The following HTR7 variants were observed in gnomAD, a reference collection of about 807,000 sequenced individuals.
HTR7 encodes the protein 5-HT-7.
HTR7 carries 16 observed loss-of-function variants against 34.0 expected under a neutral mutation model. The observed-to-expected ratio is 0.47, with a 90% CI of 0.32 to 0.71. The LOEUF is 0.71. HTR7 is among the 30% of genes least tolerant of loss of function. The pLI is 0.04. For synonymous variants in HTR7, 265 were observed against 260.2 expected (o/e 1.02, Z -0.18); for missense variants, 504 against 625.5 (o/e 0.81, Z 2.07).
At chr10:90,770,625 C>A (rs774677978) in intron 1 of HTR7, among the ~76,000 whole-genome samples, 15 of 152,184 alleles carry the variant, frequency 9.9e-5, no homozygotes, top group Non-Finnish European at 2.2e-4. Context: ...CAGGTGTGCT[C>A]ACACTCAGGA....
At chr10:90,776,423 A>G (rs1353127275) in intron 1 of HTR7, among the ~76,000 whole-genome samples, 1 of 152,230 alleles carries the variant, frequency 6.6e-6, no homozygotes, top group African/African-American at 2.4e-5. Context: ...ATTCACAGAT[A>G]TTTATTTGAG....
intron 1 of HTR7, among the ~76,000 whole-genome samples, chr10:90,751,080 C>G (rs1464716717): frequency 2.0e-5 from 3 of 152,170 alleles, no homozygotes; most frequent in Non-Finnish European, 4.4e-5. Context: ...GTTCATGACG[C>G]TGGTTCTTCA....
intron 1 of HTR7, among the ~76,000 whole-genome samples, chr10:90,757,108 A>G (rs1438426559): frequency 6.6e-6 from 1 of 152,228 alleles, no homozygotes; most frequent in African/African-American, 2.4e-5. Context: ...AATGGCATAA[A>G]ACCTTAGCTA....
intron 1 of HTR7, among the ~76,000 whole-genome samples, chr10:90,806,886 C>T (rs1012294751): frequency 1.3e-5 from 2 of 152,146 alleles, no homozygotes; most frequent in Non-Finnish European, 2.9e-5. Context: ...TCAAAGCCAC[C>T]TGCAAAGGGG....
chr10:90,776,772 A>G (rs1369362360), intron 1 of HTR7, among the ~76,000 whole-genome samples: 1 of 152,200 alleles, frequency 6.6e-6, no homozygotes, highest in Non-Finnish European at 1.5e-5. Context: ...TATATTAGGT[A>G]GATATCCACT....
At chr10:90,788,090 C>T (rs1486157315) in intron 1 of HTR7, among the ~76,000 whole-genome samples, 2 of 152,006 alleles carry the variant, frequency 1.3e-5, no homozygotes, top group Non-Finnish European at 2.9e-5. Flanking sequence ...GGTGTTAGCA[C>T]CATCTAGTGG....
intron 1 of HTR7, among the ~76,000 whole-genome samples, chr10:90,803,663 G>T (rs1264469774): frequency 6.6e-6 from 1 of 152,162 alleles, no homozygotes; most frequent in Non-Finnish European, 1.5e-5. Context: ...TCATCTGATG[G>T]TTGCCTGACA....
intron 1 of HTR7, among the ~76,000 whole-genome samples, chr10:90,854,209 C>A (rs977187857): frequency 1.3e-5 from 2 of 152,062 alleles, no homozygotes; most frequent in Non-Finnish European, 1.5e-5. Context: ...AAAAATTAGC[C>A]GGGTGTGGTG....
At chr10:90,764,130 G>T (rs959275303) in intron 1 of HTR7, among the ~76,000 whole-genome samples, 1 of 152,090 alleles carries the variant, frequency 6.6e-6, no homozygotes, top group Non-Finnish European at 1.5e-5. Flanking sequence ...ATTGTTTTTG[G>T]ACTTTTTAAT....
Position 90,815,279 on chromosome 10 carries a change from A to G in HTR7, c.539+41854T>C, listed in dbSNP as rs1292013808. The stretch of plus-strand genomic sequence containing the variant: ...GCTAATTTTTGTATTTTTAGTAGAG[A>G]CAGGGTTTCACCGTGTTGGCCAGGC... On this transcript the variant is annotated intron_variant, in intron 1 of 3. Coordinates refer to ENST00000336152, the MANE Select transcript of HTR7 (RefSeq NM_019859.4). Among the ~76,000 whole-genome samples, 9 of 152,044 alleles carry G rather than the reference A, an allele frequency of 5.9e-5. 1 individual carries two copies. Among genetic ancestry groups the G allele is most frequent in the Admixed American group, 5.9e-4 (9 of 15,258 alleles).
At chr10:90,819,402 T>A (rs1845943963) in intron 1 of HTR7, among the ~76,000 whole-genome samples, 2 of 152,174 alleles carry the variant, frequency 1.3e-5, no homozygotes, top group African/African-American at 4.8e-5. Flanking sequence ...TCCTCCCTTA[T>A]CACTAAGCTG....
intron 1 of HTR7, among the ~76,000 whole-genome samples, chr10:90,787,572 G>A (rs72809102): frequency 2.0e-4 from 31 of 152,250 alleles, no homozygotes; most frequent in Non-Finnish European, 3.4e-4. Context: ...TGTGGGTGGG[G>A]ATTTACGTCA....
At chr10:90,802,996 C>CTT (rs35715510) in intron 1 of HTR7, among the ~76,000 whole-genome samples, 1,425 of 88,896 alleles carry the variant, frequency 0.016, 28 homozygotes, top group African/African-American at 0.037. Context: ...CATTTGTGGC[C>CTT]TTTTTTTTTT....
intron 1 of HTR7, among the ~76,000 whole-genome samples, chr10:90,807,009 TA>T (rs1258780626): frequency 6.6e-6 from 1 of 152,194 alleles, no homozygotes; most frequent in Non-Finnish European, 1.5e-5. Flanking sequence ...GGGCATAATG[TA>T]AAGGAACTGT....
intron 2 of HTR7, 52 bp downstream of exon 2, chr10:90,748,787 C>T (rs1844680100): frequency 6.5e-7 from 1 of 1,528,350 alleles, no homozygotes; most frequent in Non-Finnish European, 8.8e-7. Flanking sequence ...CCTCAAAAAG[C>T]TGCATAAAAG....
At chr10:90,850,281 T>C (rs962566938) in intron 1 of HTR7, among the ~76,000 whole-genome samples, 27 of 152,230 alleles carry the variant, frequency 1.8e-4, no homozygotes, top group African/African-American at 5.3e-4. Context: ...GTGGAAGTCA[T>C]TGGGCTAAAA....
intron 1 of HTR7, among the ~76,000 whole-genome samples, chr10:90,816,109 T>C: frequency 6.6e-6 from 1 of 152,302 alleles, no homozygotes; most frequent in South Asian, 2.1e-4. Context: ...AGCTACTTTC[T>C]CCCTAGGACT....
chr10:90,777,255 G>A (rs1002597312), intron 1 of HTR7, among the ~76,000 whole-genome samples: 23 of 152,034 alleles, frequency 1.5e-4, no homozygotes, highest in Admixed American at 1.4e-3. Context: ...GGCTGAGGCG[G>A]GTGGATCACG....
rs780866703 is a variant in HTR7 at position 90,857,093 on chromosome 10, T to TC, written c.539+39dup. 1 of 1,488,076 alleles carries TC rather than the reference T, an allele frequency of 6.7e-7. No individual in the cohort carries two copies. The highest frequency in any genetic ancestry group is 1.4e-5 in the African/African-American group (1 of 71,394). 92.2% of individuals were successfully genotyped at this position (1,488,076 alleles called of 1,614,324 possible). A position where few individuals can be genotyped will look rare whatever the true frequency, so the allele number is the denominator to read the frequency against. On this transcript the variant is annotated intron_variant, in intron 1 of 3. Transcript: ENST00000336152. The surrounding 1 kb of genome is among the most constrained non-coding windows in gnomAD (Gnocchi z 6.5). ...CGCGCGGGGCTGAGCTGCCAGCCGG[T>TC]CCCCAGCCGGAGCCTGGGACGGGGC...
Sources: gnomAD v4.1 joint callset for allele counts (sites outside exome capture counted in the v4.1 genomes callset) on GRCh38, gnomAD v4.1.1 for gene constraint, Gnocchi (gnomAD v3.1) non-coding constraint, MANE v1.5 for transcripts, NCBI Gene and HGNC (gene_info 2026-07-23, HGNC 2026-07-21) for gene names.